Variants in PLP1 observed in about 807,000 individuals in gnomAD.
The protein encoded by PLP1 is proteolipid protein 1, also known as myelin proteolipid protein.
Under a neutral mutation model 18.5 loss-of-function variants are expected in PLP1, and 2 were observed. The ratio of observed to expected loss-of-function variants is 0.11; its 90% CI spans 0.04 to 0.34. The LOEUF is 0.34. Ranked by LOEUF, PLP1 falls within the 10% of genes least tolerant of loss-of-function variation. The pLI is 1.00. For synonymous variants in PLP1, 86 were observed against 83.2 expected (o/e 1.03, Z -0.19); for missense variants, 105 against 207.3 (o/e 0.51, Z 3.03).
intron 1 of PLP1, among the ~76,000 whole-genome samples, chrX:103,778,112 G>A (rs2074425120): frequency 8.9e-6 from 1 of 112,030 alleles, no homozygotes; most frequent in Non-Finnish European, 1.9e-5. Context: ...TCAAATCCCA[G>A]ATCTGCTACT....
chrX:103,784,258 C>T (rs939326390), intron 1 of PLP1, among the ~76,000 whole-genome samples: 1 of 111,635 alleles, frequency 9.0e-6, no homozygotes, highest in Non-Finnish European at 1.9e-5. Flanking sequence ...CACTTTAAGA[C>T]ACATGTGTTC....
upstream of PLP1, chrX:103,776,826 T>C: frequency 2.0e-6 from 1 of 511,452 alleles, no homozygotes; most frequent in Non-Finnish European, 3.3e-6. Flanking sequence ...GGGTTGGCTG[T>C]CAATCAGAAA....
intron 2 of PLP1, 54 bp from the exon 3 acceptor site, chrX:103,786,411 C>T: frequency 8.6e-7 from 1 of 1,167,335 alleles, no homozygotes; most frequent in East Asian, 3.0e-5. Context: ...GGAAAGAAGC[C>T]AGGTCTTCAA....
chrX:103,792,017 T>C lies in PLP1; in HGVS notation c.*1419T>C, dbSNP rs781532754. ...ATAACAGAATGCACCAGTCATCAGC[T>C]ATTCAGTTGGTAAGCTTCCAGGAAA... On this transcript the variant is annotated 3_prime_UTR_variant, in exon 7 of 7. Coordinates refer to ENST00000621218, the MANE Select transcript of PLP1 (RefSeq NM_000533.5). The C allele has an allele frequency of 1.8e-5, 2 of 111,930 alleles. No homozygotes were observed. The highest frequency in any genetic ancestry group is 3.2e-5 in the African/African-American group (1 of 30,817). 9.2% of individuals were successfully genotyped at this position (111,930 alleles called of 1,213,427 possible). A position where few individuals can be genotyped will look rare whatever the true frequency, so the allele number is the denominator to read the frequency against.
At position 103,777,163 on chromosome X, in the gene PLP1, C is replaced by T. The variant is rs150525459; in HGVS notation, c.4+164C>T. ...CATTCAGTTAGATTAACTCCTTCTC[C>T]GCTGTACTAAGCATGATGCTTTATT... On this transcript the variant is annotated intron_variant, in intron 1 of 6. Transcript: ENST00000621218. Among the ~76,000 whole-genome samples the T allele has an allele frequency of 2.5e-3, 284 of 112,002 alleles. 1 individual carries two copies. Among genetic ancestry groups the T allele is most frequent in the African/African-American group, 8.5e-3 (261 of 30,819 alleles).
chrX:103,787,058 G>GAC (rs903574341), intron 3 of PLP1: 1 of 280,651 alleles, frequency 3.6e-6, no homozygotes, highest in Non-Finnish European at 6.3e-6. Context: ...GATCTAACTG[G>GAC]ACAAGAGTCT....
At chrX:103,783,580 C>G (rs1477919870) in intron 1 of PLP1, among the ~76,000 whole-genome samples, 1 of 112,020 alleles carries the variant, frequency 8.9e-6, no homozygotes, top group Non-Finnish European at 1.9e-5. Context: ...GCCTCTACCT[C>G]GATTTTCCCA....
At chrX:103,780,077 G>C (rs1053698523) in intron 1 of PLP1, 1 of 113,019 alleles carries the variant, frequency 8.8e-6, no homozygotes, top group African/African-American at 3.2e-5. Context: ...AGCAAGTACT[G>C]ATTGATTAAT....
rs754326867 is a variant in PLP1, at chrX:103,784,842, T to C, written c.5-740T>C. On this transcript the variant is annotated intron_variant, in intron 1 of 6. Coordinates refer to ENST00000621218, the MANE Select transcript of PLP1 (RefSeq NM_000533.5). ...TCCCATATGGCAGAGTCTGTGTCTTTTCTCTCTTCATATCCCGTATAACAC... is the reference window on the plus strand; with the variant it reads ...TCCCATATGGCAGAGTCTGTGTCTTCTCTCTCTTCATATCCCGTATAACAC... 3.6e-5 allele frequency among the ~76,000 whole-genome samples: 4 copies of C among 112,047 alleles called. No homozygotes were observed. The South Asian group carries it at 1.5e-3, about 42-fold the overall frequency.
intron 3 of PLP1, 102 bp downstream of exon 3, chrX:103,786,828 C>A: frequency 2.2e-6 from 2 of 889,943 alleles, no homozygotes; most frequent in Non-Finnish European, 3.3e-6. Flanking sequence ...TCTCTAGGGG[C>A]CTGGCATTTG....
chrX:103,788,285 TAAACC>T, intron 4 of PLP1, 147 bp from the exon 5 acceptor site: 5 of 556,967 alleles, frequency 9.0e-6, no homozygotes, highest in Admixed American at 4.8e-5. Flanking sequence ...CTCTTTTTTG[TAAACC>T]TGTAGAAAAG....
chrX:103,784,162 G>A (rs1157954941), intron 1 of PLP1, among the ~76,000 whole-genome samples: 2 of 111,491 alleles, frequency 1.8e-5, no homozygotes, highest in East Asian at 5.6e-4. Context: ...TTCAGAGCCT[G>A]TGACTTCTTG....
At position 103,792,134 on chromosome X, in the gene PLP1, T is replaced by C. The variant is rs955667870; in HGVS notation, c.*1536T>C. On this transcript the variant is annotated 3_prime_UTR_variant, in exon 7 of 7. Coordinates refer to ENST00000621218, the MANE Select transcript of PLP1 (RefSeq NM_000533.5). ...AACTTTGGGTTAAAAAAAAAAAAAGTCTGATTGGTTTTAATTGAAGGAAAG... is the reference window on the plus strand; with the variant it reads ...AACTTTGGGTTAAAAAAAAAAAAAGCCTGATTGGTTTTAATTGAAGGAAAG... The C allele has an allele frequency of 9.0e-6, 1 of 110,591 alleles. No homozygotes were observed. Among genetic ancestry groups the C allele is most frequent in the Non-Finnish European group, 1.9e-5 (1 of 52,785 alleles). 9.1% of individuals were successfully genotyped at this position (110,591 alleles called of 1,213,427 possible). A position where few individuals can be genotyped will look rare whatever the true frequency, so the allele number is the denominator to read the frequency against.
intron 1 of PLP1, among the ~76,000 whole-genome samples, chrX:103,784,547 A>G (rs1234549507): frequency 8.9e-6 from 1 of 111,978 alleles, no homozygotes; most frequent in Non-Finnish European, 1.9e-5. Context: ...CTCCTCCCAT[A>G]TGTAAACTAA....
intron 2 of PLP1, chrX:103,786,141 CCTTT>C (rs1569427469): frequency 9.1e-7 from 1 of 1,102,475 alleles, no homozygotes; most frequent in Non-Finnish European, 1.2e-6. Flanking sequence ...CCTTCACCCA[CCTTT>C]CTTCTTGTCT....
chrX:103,781,803 T>A (rs2074456096), intron 1 of PLP1, among the ~76,000 whole-genome samples: 1 of 112,411 alleles, frequency 8.9e-6, no homozygotes, highest in Non-Finnish European at 1.9e-5. Context: ...TTATGCCAAC[T>A]CTCTCATCTC....
rs1467711610 is a variant in PLP1 at position 103,789,421 on chromosome X, T to G, written c.762+23T>G. 6.2e-6 allele frequency: 7 copies of G among 1,133,636 alleles called. No individual in the cohort carries two copies. The Admixed American group carries it at 1.5e-4, about 25-fold the overall frequency. The allele number at this position is 1,133,636 out of a possible 1,213,427, so 93.4% of individuals were successfully genotyped here. A position where few individuals can be genotyped will look rare whatever the true frequency, so the allele number is the denominator to read the frequency against. On this transcript the variant is annotated intron_variant, in intron 6 of 6. Coordinates refer to ENST00000621218, the MANE Select transcript of PLP1 (RefSeq NM_000533.5). ...CTGGTGAGTTGACTTTGAATGATCT[T>G]GGCAAGTAAATAGGCCTGAGATAGT...
intron 4 of PLP1, 108 bp from the exon 5 acceptor site, chrX:103,788,329 T>G (rs2074516053): frequency 3.2e-6 from 2 of 632,475 alleles, no homozygotes; most frequent in Non-Finnish European, 5.4e-6. Context: ...AGAATCCAAC[T>G]TTACAGCCAG....
At chrX:103,781,445 T>C (rs1218397866) in intron 1 of PLP1, 3 of 207,052 alleles carry the variant, frequency 1.4e-5, no homozygotes, top group Non-Finnish European at 2.9e-5. Context: ...TAGCCAACCA[T>C]GACATGATCT....
Sources: gnomAD v4.1 joint callset for allele counts (sites outside exome capture counted in the v4.1 genomes callset) on GRCh38, gnomAD v4.1.1 for gene constraint, MANE v1.5 for transcripts, NCBI Gene and HGNC (gene_info 2026-07-23, HGNC 2026-07-21) for gene names.